The following SLC30A10 variants were observed in gnomAD, a reference collection of about 807,000 sequenced individuals.
The protein encoded by SLC30A10 is solute carrier family 30 member 10.
SLC30A10 carries 8 observed loss-of-function variants against 21.7 expected under a neutral mutation model. That is an observed-to-expected ratio of 0.37 (90% CI 0.22 to 0.67). The LOEUF (loss-of-function observed/expected upper bound fraction) is 0.67, where lower values mean the gene tolerates loss of function less well. Ranked by LOEUF, SLC30A10 falls within the 30% of genes least tolerant of loss-of-function variation. SLC30A10 has a pLI of 0.58. For missense variants in SLC30A10, 521 were observed against 642.5 expected (o/e 0.81, Z 2.04); for synonymous variants, 272 against 279.4 (o/e 0.97, Z 0.26).
upstream of SLC30A10, among the ~76,000 whole-genome samples, chr1:219,931,776 T>C (rs1013377292): frequency 3.3e-5 from 5 of 152,354 alleles, no homozygotes; most frequent in Middle Eastern, 3.4e-3. Context: ...CCACCACACC[T>C]GGCCAGCATT....
chr1:219,954,175 A>C (rs1006632583), intron 1 of SLC30A10, among the ~76,000 whole-genome samples: 10 of 152,034 alleles, frequency 6.6e-5, no homozygotes, highest in African/African-American at 1.9e-4. Context: ...TGTCCACGTG[A>C]AAAGCCCATG....
chr1:219,930,726 A>C (rs1659958891), upstream of SLC30A10, among the ~76,000 whole-genome samples: 1 of 152,272 alleles, frequency 6.6e-6, no homozygotes. Flanking sequence ...TTTTCTAAAA[A>C]TCAACATAAA....
At position 219,948,836 on chromosome 1, in the gene SLC30A10, T is replaced by C. The variant is rs554429017; in HGVS notation, n.80+9732A>G. Among the ~76,000 whole-genome samples, 11 of 152,060 alleles carry C rather than the reference T, an allele frequency of 7.2e-5. No homozygotes were observed. In the South Asian group the frequency reaches 2.3e-3, roughly 32 times the overall value. On this transcript the variant is annotated intron_variant and non_coding_transcript_variant, in intron 1 of 8. Transcript: ENST00000484239. ...CAGAGTGAACAGGCAACCTACAAAA[T>C]GGGAGAAAATTTTCGCAACCTACTC...
chr1:219,937,216 G>A (rs1660058304), intron 1 of SLC30A10, among the ~76,000 whole-genome samples: 1 of 152,142 alleles, frequency 6.6e-6, no homozygotes, highest in Non-Finnish European at 1.5e-5. Flanking sequence ...GGAAAAATCT[G>A]AGTACAGCCT....
chr1:219,943,954 G>A (rs1212023968), intron 1 of SLC30A10, among the ~76,000 whole-genome samples: 2 of 151,642 alleles, frequency 1.3e-5, no homozygotes, highest in African/African-American at 4.9e-5. Flanking sequence ...TAAAAAATTA[G>A]CAGGGCATGG....
rs1014297043 is a variant in SLC30A10 at position 219,914,803 on chromosome 1, A to C, written c.*646T>G. The C allele has an allele frequency of 1.3e-5, 2 of 152,370 alleles. No homozygotes were observed. Among genetic ancestry groups the C allele is most frequent in the African/African-American group, 4.8e-5 (2 of 41,464 alleles). The allele number at this position is 152,370 out of a possible 1,614,324, so 9.4% of individuals were successfully genotyped here. A position where few individuals can be genotyped will look rare whatever the true frequency, so the allele number is the denominator to read the frequency against. On this transcript the variant is annotated 3_prime_UTR_variant, in exon 4 of 4. Transcript: ENST00000366926. Reference sequence around the variant, plus strand: ...AGCTGCAGTTCAGTTCACAGCAGAAAGTAAACATTAGTTTTCTCTCACCTC... The same window carrying C: ...AGCTGCAGTTCAGTTCACAGCAGAACGTAAACATTAGTTTTCTCTCACCTC...
At position 219,915,497 on chromosome 1, in the gene SLC30A10, A is replaced by G. The variant is rs945051429; in HGVS notation, c.1410T>C (p.Leu470=). Residue 470 remains leucine (L), a synonymous_variant, in exon 4 of 4, where the codon CTT becomes CTC. Coordinates refer to ENST00000366926, the MANE Select transcript of SLC30A10 (RefSeq NM_018713.3). ...DSCLSDHGQS[L]NKTQEDQCYV... is the part of the protein sequence containing the mutation. ...AACATTGGTCCTCCTGAGTTTTGTT[A>G]AGACTTTGTCCGTGGTCACTCAGAC... 6.2e-7 allele frequency: 1 copy of G among 1,614,118 alleles called. No individual in the cohort carries two copies. The highest frequency in any genetic ancestry group is 8.5e-7 in the Non-Finnish European group (1 of 1,180,042).
chr1:219,948,304 G>C (rs532264580), intron 1 of SLC30A10, among the ~76,000 whole-genome samples: 1 of 151,482 alleles, frequency 6.6e-6, no homozygotes, highest in Non-Finnish European at 1.5e-5. Flanking sequence ...GCATCGCCAA[G>C]TCAATCCTAA....
At chr1:219,925,361 C>G (rs1472697155) in intron 2 of SLC30A10, among the ~76,000 whole-genome samples, 1 of 151,712 alleles carries the variant, frequency 6.6e-6, no homozygotes, top group Non-Finnish European at 1.5e-5. Flanking sequence ...TGGTGAAACC[C>G]CGTTTCTGCT....
At chr1:219,928,682 G>T (rs1285700110), upstream of SLC30A10, 26 of 442,594 alleles carry the variant, frequency 5.9e-5, no homozygotes, top group Admixed American at 4.4e-4. This position sits in a 1 kb window ranked among gnomAD's most constrained non-coding sequence, Gnocchi z 6.3. Context: ...GCCTCCCGCG[G>T]CCCTTTTCCC....
rs1406769169 is a variant in SLC30A10 at position 219,911,152 on chromosome 1, T to A, written c.*4297A>T. 1.0e-5 allele frequency among the ~76,000 whole-genome samples: 1 copy of A among 99,742 alleles called. No individual in the cohort carries two copies. The highest frequency in any genetic ancestry group is 1.2e-4 in the Admixed American group (1 of 8,480). 65.4% of individuals were successfully genotyped at this position (99,742 alleles called of 152,430 possible). A position where few individuals can be genotyped will look rare whatever the true frequency, so the allele number is the denominator to read the frequency against. On this transcript the variant is annotated 3_prime_UTR_variant, in exon 4 of 4. Coordinates refer to ENST00000366926, the MANE Select transcript of SLC30A10 (RefSeq NM_018713.3). Reference sequence around the variant, plus strand: ...TTTCTTCATTTTTTCTACATCAGTTTTTTTTTTTTTTTTTTTTTTTTTGCA... The same window carrying A: ...TTTCTTCATTTTTTCTACATCAGTTATTTTTTTTTTTTTTTTTTTTTTGCA...
chr1:219,957,257 C>T (rs1214082174), intron 1 of SLC30A10, among the ~76,000 whole-genome samples: 2 of 152,098 alleles, frequency 1.3e-5, no homozygotes, highest in African/African-American at 2.4e-5. Flanking sequence ...CCTACAGATA[C>T]TCTCATAACA....
intron 1 of SLC30A10, among the ~76,000 whole-genome samples, chr1:219,941,093 C>A (rs1185087351): frequency 6.6e-6 from 1 of 152,184 alleles, no homozygotes. Context: ...AAACCATTAA[C>A]AACCTAACTG....
chr1:219,912,649 A>G lies in SLC30A10; in HGVS notation c.*2800T>C, dbSNP rs565506757. 1.3e-5 allele frequency among the ~76,000 whole-genome samples: 2 copies of G among 152,296 alleles called. No homozygotes were observed. Among genetic ancestry groups the G allele is most frequent in the East Asian group, 1.9e-4 (1 of 5,178 alleles). ...GGAGATCGAGACCATCCTGGCTAAC[A>G]TGGTGAAACCCGGTCTCTACTAAAA... On this transcript the variant is annotated 3_prime_UTR_variant, in exon 4 of 4. Coordinates refer to ENST00000366926, the MANE Select transcript of SLC30A10 (RefSeq NM_018713.3).
chr1:219,950,846 G>T (rs1660257480), intron 1 of SLC30A10, among the ~76,000 whole-genome samples: 1 of 152,252 alleles, frequency 6.6e-6, no homozygotes, highest in African/African-American at 2.4e-5. Context: ...TACTCAGAAG[G>T]CTGAGGCAGG....
chr1:219,944,850 A>C (rs1204102329), intron 1 of SLC30A10, among the ~76,000 whole-genome samples: 1 of 152,222 alleles, frequency 6.6e-6, no homozygotes, highest in Non-Finnish European at 1.5e-5. Flanking sequence ...GAAAATGAAA[A>C]GTAAAATAGC....
At chr1:219,932,752 G>A (rs1659987569), upstream of SLC30A10, among the ~76,000 whole-genome samples, 1 of 115,520 alleles carries the variant, frequency 8.7e-6, no homozygotes, top group South Asian at 3.0e-4. Flanking sequence ...GGCATGAGAT[G>A]TGCAAAAGAT....
chr1:219,932,774 T>C (rs1183501979), upstream of SLC30A10, among the ~76,000 whole-genome samples: 1 of 136,242 alleles, frequency 7.3e-6, no homozygotes, highest in Non-Finnish European at 1.5e-5. Flanking sequence ...AAAAATGAGG[T>C]AGTGAGGCCA....
At chr1:219,952,820 A>T (rs1395160777) in intron 1 of SLC30A10, among the ~76,000 whole-genome samples, 1 of 152,186 alleles carries the variant, frequency 6.6e-6, no homozygotes, top group African/African-American at 2.4e-5. Context: ...GAACAAAGAG[A>T]TGGTCTCTTT....
Sources: gnomAD v4.1 joint callset for allele counts (sites outside exome capture counted in the v4.1 genomes callset) on GRCh38, gnomAD v4.1.1 for gene constraint, Gnocchi (gnomAD v3.1) non-coding constraint, MANE v1.5 for transcripts, NCBI Gene and HGNC (gene_info 2026-07-23, HGNC 2026-07-21) for gene names.